GFM1: variants seen among roughly 807,000 people sequenced by gnomAD.
GFM1 encodes the protein elongation factor G, mitochondrial.
Under a neutral mutation model 96.2 loss-of-function variants are expected in GFM1, and 62 were observed. The observed-to-expected ratio is 0.64, with a 90% CI of 0.53 to 0.80. The LOEUF (loss-of-function observed/expected upper bound fraction) is 0.80, where lower values mean the gene tolerates loss of function less well. GFM1 is among the 30% of genes least tolerant of loss of function. The probability of loss-of-function intolerance (pLI) is 0.00; values close to 1 mark genes in which losing one functional copy is unlikely to be tolerated. For missense variants in GFM1, 852 were observed against 916.6 expected, an observed-to-expected ratio of 0.93 and a Z score of 0.91; for synonymous variants, 282 against 312.9, an observed-to-expected ratio of 0.90 and a Z score of 1.04.
rs1360837153 is a variant in GFM1, at chr3:158,682,087, C to T, written c.1694C>T (p.Thr565Ile). ...VLEPLDPEDYTKLEFSDETFG... is the reference protein window; with the variant it reads ...VLEPLDPEDYIKLEFSDETFG... ...GAGCCTCTGGACCCAGAGGACTACA[C>T]TAAATTGGAATTTTCAGATGAAACA... The change falls in exon 14 of 18, where the codon ACT (threonine) becomes ATT (isoleucine). Residue 565 changes from threonine (T) to isoleucine (I), a missense_variant. Physicochemically the swap from Thr to Ile is moderately conservative, Grantham distance 89. Transcript: ENST00000486715. The T allele has an allele frequency of 3.1e-6, 5 of 1,613,568 alleles. No individual in the cohort carries two copies. The highest frequency in any genetic ancestry group is 3.3e-4 in the Middle Eastern group (2 of 6,058).
chr3:158,669,750 T>C (rs1413629825), intron 13 of GFM1: 1 of 760,016 alleles, frequency 1.3e-6, no homozygotes, highest in African/African-American at 1.8e-5. Context: ...TTCAGAGGTA[T>C]CTAATTGGGC....
intron 13 of GFM1, chr3:158,667,195 A>G: frequency 9.1e-7 from 1 of 1,096,278 alleles, no homozygotes; most frequent in South Asian, 2.0e-5. Flanking sequence ...TAAAAATAAA[A>G]ATTGAATGTC....
chr3:158,653,381 AG>A lies in GFM1; in HGVS notation c.914del (p.Gly305GlufsTer6), dbSNP rs1722457560. On this transcript the variant is annotated frameshift_variant, in exon 7 of 18. Transcript: ENST00000486715. LOFTEE classifies it high-confidence loss of function. ...VFLGSALKNK[G>X]VQPLLDAVLE... Reference sequence around the variant, plus strand: ...TTTTGGGAAGCGCCTTGAAGAACAAAGGAGTTCAGCCTCTTTTAGATGCTGT... The same window carrying A: ...TTTTGGGAAGCGCCTTGAAGAACAAAGAGTTCAGCCTCTTTTAGATGCTGT... 1 of 1,613,064 alleles carries A rather than the reference AG, an allele frequency of 6.2e-7. No homozygotes were observed. Among genetic ancestry groups the A allele is most frequent in the African/African-American group, 1.3e-5 (1 of 74,928 alleles).
intron 13 of GFM1, chr3:158,666,713 C>T: frequency 6.2e-7 from 1 of 1,613,904 alleles, no homozygotes. Context: ...TTGTGGATGC[C>T]AGAGAACTTG....
intron 15 of GFM1, among the ~76,000 whole-genome samples, chr3:158,689,765 A>G (rs1216443542): frequency 1.3e-5 from 2 of 150,954 alleles, no homozygotes; most frequent in African/African-American, 4.9e-5. Context: ...AAAAAAAAAG[A>G]AAGAATGGGT....
rs1576732568 is a variant in GFM1, at chr3:158,652,320, A to T, written c.840+74A>T. The T allele has an allele frequency of 5.6e-6, 7 of 1,243,704 alleles. No homozygotes were observed. In the South Asian group the frequency reaches 8.5e-5, roughly 15 times the overall value. 77.0% of individuals were successfully genotyped at this position (1,243,704 alleles called of 1,614,324 possible). A position where few individuals can be genotyped will look rare whatever the true frequency, so the allele number is the denominator to read the frequency against. ...TTGTTTTTTGTAGGGAGGGGACATG[A>T]TGCTTTTATGTATGGGCTTTATTAA... On this transcript the variant is annotated intron_variant, in intron 6 of 17. Transcript: ENST00000486715.
At chr3:158,668,313 T>G (rs1014898950) in intron 13 of GFM1, among the ~76,000 whole-genome samples, 1 of 152,174 alleles carries the variant, frequency 6.6e-6, no homozygotes, top group Non-Finnish European at 1.5e-5. Context: ...AAATAGTTGT[T>G]ATATTACTTA....
At chr3:158,680,245 G>A (rs975404956) in intron 13 of GFM1, among the ~76,000 whole-genome samples, 5 of 152,026 alleles carry the variant, frequency 3.3e-5, no homozygotes, top group Non-Finnish European at 7.4e-5. Context: ...TAGTGTAATC[G>A]TCTGCCAAAT....
chr3:158,681,344 T>G (rs1424352293), intron 13 of GFM1, among the ~76,000 whole-genome samples: 1 of 152,244 alleles, frequency 6.6e-6, no homozygotes, highest in Non-Finnish European at 1.5e-5. Flanking sequence ...TTTACATATC[T>G]TTAGTATATA....
chr3:158,677,666 G>A (rs1576779960), intron 13 of GFM1, among the ~76,000 whole-genome samples: 1 of 152,100 alleles, frequency 6.6e-6, no homozygotes, highest in Admixed American at 6.5e-5. Context: ...CACCATGCCC[G>A]ACTAAGTTTT....
intron 8 of GFM1, among the ~76,000 whole-genome samples, chr3:158,658,157 CTT>C (rs397842738): frequency 0.13 from 12,317 of 96,160 alleles, 209 homozygotes; most frequent in South Asian, 0.18. Context: ...TCACAGAACT[CTT>C]TTTTTTTTTT....
intron 13 of GFM1, among the ~76,000 whole-genome samples, chr3:158,676,139 T>C (rs1418587429): frequency 6.6e-6 from 1 of 152,102 alleles, no homozygotes; most frequent in Non-Finnish European, 1.5e-5. Flanking sequence ...TGTGATAGCA[T>C]GTGCCTGTAG....
At chr3:158,652,779 A>G (rs1722402042) in intron 6 of GFM1, among the ~76,000 whole-genome samples, 1 of 152,242 alleles carries the variant, frequency 6.6e-6, no homozygotes. Context: ...ATGTTTCGTA[A>G]TAGAGCATAC....
At chr3:158,688,286 G>A (rs4459938) in intron 15 of GFM1, among the ~76,000 whole-genome samples, 24,116 of 152,064 alleles carry the variant, frequency 0.16, 1,994 homozygotes, top group South Asian at 0.22. Flanking sequence ...AATGGCAGGC[G>A]AGTTGGCTTT....
At chr3:158,647,890 A>G (rs183727333) in intron 4 of GFM1, among the ~76,000 whole-genome samples, 27 of 152,296 alleles carry the variant, frequency 1.8e-4, no homozygotes, top group Admixed American at 7.2e-4. Flanking sequence ...ACTTCTATAA[A>G]GCAGATAAAA....
At chr3:158,665,183 T>C (rs751880889) in intron 11 of GFM1, among the ~76,000 whole-genome samples, 154 bp from the exon 12 acceptor site, 2 of 152,200 alleles carry the variant, frequency 1.3e-5, no homozygotes, top group Non-Finnish European at 2.9e-5. Context: ...AAGCTCACAT[T>C]GTTTTTAAAA....
At chr3:158,690,562 T>G in intron 16 of GFM1, 1 of 514,678 alleles carries the variant, frequency 1.9e-6, no homozygotes, top group Admixed American at 3.4e-5. Flanking sequence ...TCTCTCTTTC[T>G]TGAATAAGCA....
At chr3:158,656,223 G>A (rs779736512) in intron 8 of GFM1, 18 of 210,808 alleles carry the variant, frequency 8.5e-5, no homozygotes, top group African/African-American at 1.2e-4. Flanking sequence ...GCACAATCTC[G>A]GCTCGCTGCA....
intron 16 of GFM1, among the ~76,000 whole-genome samples, 159 bp from the exon 17 acceptor site, chr3:158,690,980 T>A (rs1294797392): frequency 2.6e-5 from 4 of 152,268 alleles, no homozygotes; most frequent in Non-Finnish European, 5.9e-5. Context: ...CCACTTGGAA[T>A]AAAACAGAAA....
Sources: gnomAD v4.1 joint callset for allele counts (sites outside exome capture counted in the v4.1 genomes callset) on GRCh38, gnomAD v4.1.1 for gene constraint, MANE v1.5 for transcripts, NCBI Gene and HGNC (gene_info 2026-07-23, HGNC 2026-07-21) for gene names.